The following VSTM2A variants were observed in gnomAD, a reference collection of about 807,000 sequenced individuals.
The protein encoded by VSTM2A is V-set and transmembrane domain containing 2A.
Under a neutral mutation model 27.3 loss-of-function variants are expected in VSTM2A, and 13 were observed. The ratio of observed to expected loss-of-function variants is 0.48; its 90% CI spans 0.31 to 0.76. The LOEUF (loss-of-function observed/expected upper bound fraction) is 0.76, where lower values mean the gene tolerates loss of function less well. VSTM2A is among the 30% of genes least tolerant of loss of function. VSTM2A has a pLI of 0.05. For missense variants in VSTM2A, 280 were observed against 310.0 expected, an observed-to-expected ratio of 0.90 and a Z score of 0.73; for synonymous variants, 142 against 125.7, an observed-to-expected ratio of 1.13 and a Z score of -0.87.
At chr7:54,543,903 C>A (rs927709452) in intron 1 of VSTM2A, among the ~76,000 whole-genome samples, 3 of 152,144 alleles carry the variant, frequency 2.0e-5, no homozygotes, top group Admixed American at 2.0e-4. Context: ...CTAGCAGTGT[C>A]AAGGTTGGTA....
chr7:54,542,649 A>G lies in VSTM2A; in HGVS notation c.-82A>G. 1 of 1,274,696 alleles carries G rather than the reference A, an allele frequency of 7.8e-7. No homozygotes were observed. The highest frequency in any genetic ancestry group is 1.1e-6 in the Non-Finnish European group (1 of 886,144). 79.0% of individuals were successfully genotyped at this position (1,274,696 alleles called of 1,614,324 possible). A position where few individuals can be genotyped will look rare whatever the true frequency, so the allele number is the denominator to read the frequency against. Reference sequence around the variant, plus strand: ...TGTCGCGCCCAGGGCTCTGAGACTGAGCCTGCCATCCACTCGCACGCCTTT... The same window carrying G: ...TGTCGCGCCCAGGGCTCTGAGACTGGGCCTGCCATCCACTCGCACGCCTTT... On this transcript the variant is annotated 5_prime_UTR_variant, in exon 1 of 5. Coordinates refer to ENST00000402613, the MANE Select transcript of VSTM2A (RefSeq NM_001301009.2).
chr7:54,568,910 C>G lies in VSTM2A; in HGVS notation c.635-221C>G, dbSNP rs546887060. On this transcript the variant is annotated intron_variant, in intron 4 of 4. Transcript: ENST00000402613. ...TTCATGAGCACCAGAGCCAAGCTGG[C>G]GAGCTAATTAAATATATATATGTAT... The G allele has an allele frequency of 2.3e-6, 3 of 1,323,136 alleles. No individual in the cohort carries two copies. In the Admixed American group the frequency reaches 6.7e-5, roughly 30 times the overall value. The allele number at this position is 1,323,136 out of a possible 1,614,324, so 82.0% of individuals were successfully genotyped here. A position where few individuals can be genotyped will look rare whatever the true frequency, so the allele number is the denominator to read the frequency against.
intron 4 of VSTM2A, 198 bp from the exon 5 acceptor site, chr7:54,568,933 T>C (rs1788806863): frequency 6.7e-7 from 1 of 1,481,618 alleles, no homozygotes; most frequent in Admixed American, 2.0e-5. Flanking sequence ...TATATATATG[T>C]ATGTGTTTAA....
intron 4 of VSTM2A, among the ~76,000 whole-genome samples, chr7:54,566,206 C>T (rs1788718650): frequency 6.6e-6 from 1 of 152,210 alleles, no homozygotes. Flanking sequence ...TCCCATTAGG[C>T]CTCTCTTCAT....
rs1297693391 is a variant in VSTM2A, at chr7:54,570,486, C to A, written c.*1267C>A. 6.6e-6 allele frequency: 1 copy of A among 152,042 alleles called. No individual in the cohort carries two copies. The highest frequency in any genetic ancestry group is 2.4e-5 in the African/African-American group (1 of 41,394). The allele number at this position is 152,042 out of a possible 1,614,324, so 9.4% of individuals were successfully genotyped here. ...ATTTGCGCTAATTATATTTTAATGT[C>A]TCCTAATTAAAAATTAAAATTTGGT... On this transcript the variant is annotated 3_prime_UTR_variant, in exon 5 of 5. Coordinates refer to ENST00000402613, the MANE Select transcript of VSTM2A (RefSeq NM_001301009.2).
chr7:54,557,292 C>T (rs1788394989), intron 4 of VSTM2A: 1 of 151,694 alleles, frequency 6.6e-6, no homozygotes, highest in African/African-American at 2.4e-5. Context: ...TCACTCACAG[C>T]ACAGTATGTC....
chr7:54,549,474 A>G (rs1788110145), intron 3 of VSTM2A, among the ~76,000 whole-genome samples: 1 of 152,220 alleles, frequency 6.6e-6, no homozygotes, highest in African/African-American at 2.4e-5. Context: ...TTTCACCTAT[A>G]GAGTTGGCCT....
At chr7:54,555,038 C>CT (rs572692222) in intron 4 of VSTM2A, among the ~76,000 whole-genome samples, 16 of 152,220 alleles carry the variant, frequency 1.1e-4, no homozygotes, top group Non-Finnish European at 2.4e-4. Context: ...ATCCCAAACT[C>CT]TTTTAATAGC....
intron 4 of VSTM2A, 53 bp downstream of exon 4, chr7:54,550,223 G>A: frequency 3.9e-6 from 6 of 1,554,600 alleles, no homozygotes; most frequent in Non-Finnish European, 5.2e-6. Context: ...ACGCTCCACA[G>A]AAAGGTCAGT....
At position 54,569,161 on chromosome 7, in the gene VSTM2A, A is replaced by T; in HGVS notation, c.665A>T (p.Glu222Val). Reference sequence around the variant, plus strand: ...AGCAAATCGCCTGTAAAATCTACGGAGCGGACAGCAAAGTTGACCCTAAAC... The same window carrying T: ...AGCAAATCGCCTGTAAAATCTACGGTGCGGACAGCAAAGTTGACCCTAAAC... ...AKSKSPVKST[E>V]RTAKLTLNSK... The change falls in exon 5 of 5, where the codon GAG becomes GTG. Residue 222 changes from glutamate to valine, a missense_variant. Physicochemically the swap from Glu to Val is moderately radical, Grantham distance 121. Transcript: ENST00000402613. 1 of 1,553,114 alleles carries T rather than the reference A, an allele frequency of 6.4e-7. No homozygotes were observed. Among genetic ancestry groups the T allele is most frequent in the Non-Finnish European group, 8.7e-7 (1 of 1,147,506 alleles).
intron 4 of VSTM2A, chr7:54,556,862 A>G (rs2115865988): frequency 6.6e-6 from 1 of 152,336 alleles, no homozygotes; most frequent in Non-Finnish European, 1.5e-5. Context: ...ATAACTGGCC[A>G]CATGAAGGCT....
chr7:54,543,074 T>G (rs76925912), intron 1 of VSTM2A, among the ~76,000 whole-genome samples: 12 of 152,206 alleles, frequency 7.9e-5, no homozygotes, highest in African/African-American at 1.7e-4. Context: ...TGTGTGTGTG[T>G]GGGTGTGTGT....
intron 4 of VSTM2A, chr7:54,559,633 T>C (rs1038659819): frequency 4.6e-5 from 7 of 152,112 alleles, no homozygotes; most frequent in Non-Finnish European, 1.0e-4. Context: ...GTCCCTGAAA[T>C]CATACTTCTG....
At chr7:54,554,853 A>G (rs1317762076) in intron 4 of VSTM2A, among the ~76,000 whole-genome samples, 1 of 152,360 alleles carries the variant, frequency 6.6e-6, no homozygotes, top group East Asian at 1.9e-4. Context: ...TGCCCAGCTA[A>G]GTACAGACAA....
chr7:54,569,119 CTCT>C lies in VSTM2A; in HGVS notation c.635-7_635-5del, dbSNP rs1267100070. On this transcript the variant is annotated splice_polypyrimidine_tract_variant and intron_variant, in intron 4 of 4. Coordinates refer to ENST00000402613, the MANE Select transcript of VSTM2A (RefSeq NM_001301009.2). ...GCTGACTTTTTTCCAATATCACTTT[CTCT>C]TCTTAAAGCAAAGAGCAAATCGCCT... The C allele has an allele frequency of 6.3e-7, 1 of 1,579,704 alleles. No homozygotes were observed. The highest frequency in any genetic ancestry group is 1.3e-5 in the African/African-American group (1 of 74,434).
Position 54,542,698 on chromosome 7 carries a change from G to C in VSTM2A, c.-33G>C. 1.9e-6 allele frequency: 3 copies of C among 1,605,830 alleles called. No individual in the cohort carries two copies. Among genetic ancestry groups the C allele is most frequent in the Non-Finnish European group, 2.6e-6 (3 of 1,173,894 alleles). On this transcript the variant is annotated 5_prime_UTR_variant, in exon 1 of 5. Transcript: ENST00000402613. ...TTCTTTCAGGGCTTTTCGGCTGTTG[G>C]CTACACTGATGTGACCCCCCTCCCT...
In VSTM2A at chr7:54,550,511, A is replaced by G. The variant is rs896036694; in HGVS notation, c.634+341A>G. On this transcript the variant is annotated intron_variant, in intron 4 of 4. Transcript: ENST00000402613. ...GCATGTTCATTTTCTCTACAGATTTATGTATCGATAATGACCCAAATTAAG... is the reference window on the plus strand; with the variant it reads ...GCATGTTCATTTTCTCTACAGATTTGTGTATCGATAATGACCCAAATTAAG... The G allele has an allele frequency of 1.9e-4, 84 of 439,340 alleles. No individual in the cohort carries two copies. The South Asian group carries it at 2.1e-3, about 11-fold the overall frequency. 27.2% of individuals were successfully genotyped at this position (439,340 alleles called of 1,614,324 possible).
chr7:54,544,899 G>A (rs1363351628), intron 2 of VSTM2A, 111 bp downstream of exon 2: 1 of 1,314,486 alleles, frequency 7.6e-7, no homozygotes, highest in Non-Finnish European at 1.0e-6. Context: ...GGACCTGCCC[G>A]GTTCTGTGGA....
intron 4 of VSTM2A, among the ~76,000 whole-genome samples, chr7:54,556,424 A>G (rs1360197337): frequency 2.6e-5 from 4 of 152,186 alleles, no homozygotes; most frequent in Non-Finnish European, 4.4e-5. Flanking sequence ...TGTCAAAGTC[A>G]TTGGGAGGAG....
Sources: gnomAD v4.1 joint callset for allele counts (sites outside exome capture counted in the v4.1 genomes callset) on GRCh38, gnomAD v4.1.1 for gene constraint, MANE v1.5 for transcripts, NCBI Gene and HGNC (gene_info 2026-07-23, HGNC 2026-07-21) for gene names.